The following PDZRN4 variants were observed in gnomAD, a reference collection of about 807,000 sequenced individuals.
PDZRN4 encodes the protein PDZ domain-containing RING finger protein 4.
Under a neutral mutation model 99.0 loss-of-function variants are expected in PDZRN4, and 70 were observed. That is an observed-to-expected ratio of 0.71 (90% CI 0.58 to 0.86). The LOEUF is 0.86. Among genes scored for constraint, PDZRN4 ranks in the 40% least tolerant of loss-of-function variants. The pLI, the probability that PDZRN4 is intolerant of heterozygous loss-of-function variation, is 0.00. For missense variants in PDZRN4, 1,474 were observed against 1,331.2 expected (o/e 1.11, Z -1.67); for synonymous variants, 551 against 501.6 (o/e 1.10, Z -1.32).
intron 5 of PDZRN4, among the ~76,000 whole-genome samples, chr12:41,524,207 C>T (rs1255169826): frequency 5.3e-5 from 8 of 152,070 alleles, no homozygotes; most frequent in Admixed American, 5.2e-4. Flanking sequence ...TAAATTAAAG[C>T]AGACACAGAC....
chr12:41,511,517 T>C (rs1938304137), intron 5 of PDZRN4, among the ~76,000 whole-genome samples: 1 of 152,072 alleles, frequency 6.6e-6, no homozygotes, highest in African/African-American at 2.4e-5. Flanking sequence ...GGCTCCTTTC[T>C]GAGTGATTGA....
intron 3 of PDZRN4, among the ~76,000 whole-genome samples, chr12:41,423,970 T>A (rs1952513079): frequency 6.6e-6 from 1 of 152,156 alleles, no homozygotes; most frequent in Admixed American, 6.6e-5. Flanking sequence ...GGGTTGGAAT[T>A]TAAGCCCATG....
At chr12:41,264,629 T>C (rs1158776809) in intron 3 of PDZRN4, among the ~76,000 whole-genome samples, 1 of 152,238 alleles carries the variant, frequency 6.6e-6, no homozygotes, top group Non-Finnish European at 1.5e-5. Flanking sequence ...AACCATCAGC[T>C]GAATTTTAAT....
chr12:41,406,648 C>T (rs911234471), intron 3 of PDZRN4, among the ~76,000 whole-genome samples: 5 of 151,988 alleles, frequency 3.3e-5, no homozygotes, highest in Non-Finnish European at 7.4e-5. Flanking sequence ...AATCCCAGCA[C>T]TTTGGGAGGC....
intron 3 of PDZRN4, among the ~76,000 whole-genome samples, chr12:41,486,866 G>A (rs974855937): frequency 2.0e-5 from 3 of 152,054 alleles, no homozygotes; most frequent in Admixed American, 2.0e-4. Context: ...GTACACAAAT[G>A]TGTCAGGAAT....
intron 5 of PDZRN4, among the ~76,000 whole-genome samples, chr12:41,529,510 T>A (rs1377405459): frequency 6.6e-6 from 1 of 152,240 alleles, no homozygotes; most frequent in East Asian, 1.9e-4. Flanking sequence ...CACACATTTA[T>A]GCATTTATGC....
chr12:41,432,361 A>G (rs544006300), intron 3 of PDZRN4, among the ~76,000 whole-genome samples: 1 of 152,368 alleles, frequency 6.6e-6, no homozygotes, highest in South Asian at 2.1e-4. Context: ...ATATTCTTGA[A>G]TACTAAGAAT....
At chr12:41,387,224 A>G (rs1040026226) in intron 3 of PDZRN4, among the ~76,000 whole-genome samples, 10 of 152,188 alleles carry the variant, frequency 6.6e-5, no homozygotes, top group Middle Eastern at 3.2e-3. Flanking sequence ...TCCTCTAACA[A>G]AGGCTTACTG....
In PDZRN4 at chr12:41,259,005, CAT is replaced by C. The variant is rs540067662; in HGVS notation, c.843+64819_843+64820del. ...ACAATTCATTAACACTCTCCTTTAT[CAT>C]AGGTTGAAGCATCAATTTTGAAAAC... On this transcript the variant is annotated intron_variant, in intron 3 of 9. Transcript: ENST00000402685. 1.8e-4 allele frequency among the ~76,000 whole-genome samples: 28 copies of C among 152,152 alleles called. No individual in the cohort carries two copies. In the South Asian group the frequency reaches 2.5e-3, roughly 14 times the overall value.
At chr12:41,526,765 CA>C (rs1161929579) in intron 5 of PDZRN4, among the ~76,000 whole-genome samples, 1 of 152,142 alleles carries the variant, frequency 6.6e-6, no homozygotes. Flanking sequence ...CATACAAACA[CA>C]GATCATGGTA....
intron 5 of PDZRN4, among the ~76,000 whole-genome samples, chr12:41,537,535 G>C (rs1938769262): frequency 6.6e-6 from 1 of 152,168 alleles, no homozygotes; most frequent in Admixed American, 6.5e-5. Flanking sequence ...AGATGTGTGA[G>C]TGGAATAGTA....
chr12:41,199,457 C>A (rs941447715), intron 3 of PDZRN4, among the ~76,000 whole-genome samples: 1 of 152,014 alleles, frequency 6.6e-6, no homozygotes, highest in Non-Finnish European at 1.5e-5. Context: ...GGCGACTTCC[C>A]AAAGGATTAA....
intron 3 of PDZRN4, among the ~76,000 whole-genome samples, chr12:41,243,877 T>G (rs945129842): frequency 1.3e-5 from 2 of 152,158 alleles, no homozygotes; most frequent in Non-Finnish European, 2.9e-5. Context: ...AGCTAACATA[T>G]TCACTCAAAC....
chr12:41,382,005 C>A (rs925135595), intron 3 of PDZRN4, among the ~76,000 whole-genome samples: 1 of 152,168 alleles, frequency 6.6e-6, no homozygotes, highest in Non-Finnish European at 1.5e-5. Context: ...GGTTTGACCA[C>A]TGGCTGACTC....
At chr12:41,241,508 C>T (rs1248079283) in intron 3 of PDZRN4, among the ~76,000 whole-genome samples, 1 of 148,580 alleles carries the variant, frequency 6.7e-6, no homozygotes, top group African/African-American at 2.6e-5. Flanking sequence ...CTACCACATA[C>T]TGGCCCAGTA....
At chr12:41,424,180 GT>G (rs1260322860) in intron 3 of PDZRN4, among the ~76,000 whole-genome samples, 1 of 152,126 alleles carries the variant, frequency 6.6e-6, no homozygotes, top group African/African-American at 2.4e-5. Context: ...TGCAATATTT[GT>G]TTGCTATGCA....
intron 3 of PDZRN4, among the ~76,000 whole-genome samples, chr12:41,284,879 A>G (rs1951412224): frequency 6.6e-6 from 1 of 152,176 alleles, no homozygotes; most frequent in Non-Finnish European, 1.5e-5. Flanking sequence ...AAAGACTTAA[A>G]CATAAGATCT....
intron 3 of PDZRN4, among the ~76,000 whole-genome samples, chr12:41,409,179 A>C (rs911784179): frequency 6.6e-6 from 1 of 152,184 alleles, no homozygotes; most frequent in African/African-American, 2.4e-5. Context: ...GGAATTTATC[A>C]TACTTTTAGA....
At chr12:41,291,146 A>C (rs778006309) in intron 3 of PDZRN4, among the ~76,000 whole-genome samples, 18 of 152,176 alleles carry the variant, frequency 1.2e-4, no homozygotes, top group Non-Finnish European at 1.8e-4. Context: ...CTTTTTGCAC[A>C]GATATAATAA....
Sources: allele counts gnomAD v4.1 joint callset (sites outside exome capture counted in the v4.1 genomes callset), GRCh38; gene constraint gnomAD v4.1.1; transcripts MANE v1.5; gene names NCBI Gene and HGNC (gene_info 2026-07-23, HGNC 2026-07-21).